Variants in CCDC150 observed in about 807,000 individuals in gnomAD.
CCDC150 encodes the protein coiled-coil domain-containing protein 150.
In CCDC150, 151 loss-of-function variants were observed where a neutral mutation model predicts 156.5. That is an observed-to-expected ratio of 0.97 (90% CI 0.85 to 1.10). The LOEUF is 1.10. Ranked by LOEUF, CCDC150 falls within the 50% of genes least tolerant of loss-of-function variation. The pLI is 0.00. For synonymous variants in CCDC150, 452 were observed against 429.4 expected, an observed-to-expected ratio of 1.05 and a Z score of -0.65; for missense variants, 1,312 against 1,268.1, an observed-to-expected ratio of 1.03 and a Z score of -0.53.
intron 14 of CCDC150, among the ~76,000 whole-genome samples, chr2:196,700,324 G>C (rs1027021259): frequency 6.6e-6 from 1 of 152,196 alleles, no homozygotes; most frequent in East Asian, 1.9e-4. Flanking sequence ...GGTTTATGAA[G>C]ATGATTTTGA....
chr2:196,658,285 G>A (rs1244745716), intron 4 of CCDC150, among the ~76,000 whole-genome samples: 2 of 152,120 alleles, frequency 1.3e-5, no homozygotes, highest in Non-Finnish European at 2.9e-5. Flanking sequence ...ATATGGTACT[G>A]GGAGGGACTA....
chr2:196,661,661 T>C (rs1693564394), intron 5 of CCDC150, among the ~76,000 whole-genome samples: 1 of 152,164 alleles, frequency 6.6e-6, no homozygotes, highest in African/African-American at 2.4e-5. Flanking sequence ...GGTATTTATC[T>C]TCCTAAGAGA....
chr2:196,697,706 A>T (rs985877404), intron 14 of CCDC150, among the ~76,000 whole-genome samples: 2 of 152,208 alleles, frequency 1.3e-5, no homozygotes, highest in African/African-American at 2.4e-5. Context: ...AAAAAACTTT[A>T]AAAAATGCTT....
chr2:196,712,169 C>T lies in CCDC150; in HGVS notation c.1720C>T (p.Gln574Ter). 1 of 1,566,700 alleles carries T rather than the reference C, an allele frequency of 6.4e-7. No individual in the cohort carries two copies. The highest frequency in any genetic ancestry group is 8.7e-7 in the Non-Finnish European group (1 of 1,153,464). Reference sequence around the variant, plus strand: ...GATAAAAGTTAAACAGCTAGAAGAACAAGTACAGTCTTTTACTGACACCAG... The same window carrying T: ...GATAAAAGTTAAACAGCTAGAAGAATAAGTACAGTCTTTTACTGACACCAG... ...LQIKVKQLEE[Q>*]VQSFTDTSLQ... Residue 574 changes from glutamine to a stop codon, truncating the protein, a stop_gained, in exon 16 of 28, where the codon CAA (glutamine) becomes TAA (stop). Transcript: ENST00000389175. LOFTEE classifies it high-confidence loss of function.
chr2:196,713,721 T>A, intron 17 of CCDC150: 2 of 1,383,686 alleles, frequency 1.4e-6, no homozygotes, highest in Non-Finnish European at 1.9e-6. Context: ...AAGGAAGTTT[T>A]AAATTTATAC....
At chr2:196,700,363 T>C (rs904472096) in intron 14 of CCDC150, among the ~76,000 whole-genome samples, 6 of 152,238 alleles carry the variant, frequency 3.9e-5, no homozygotes, top group African/African-American at 1.4e-4. Context: ...GTTATTAAGA[T>C]ATAACACTGG....
intron 13 of CCDC150, among the ~76,000 whole-genome samples, chr2:196,683,965 G>A (rs1233029239): frequency 6.6e-6 from 1 of 151,854 alleles, no homozygotes; most frequent in African/African-American, 2.4e-5. Flanking sequence ...ACTTGTGGAA[G>A]TTTTTATAGA....
At chr2:196,650,101 C>T (rs142766446) in intron 2 of CCDC150, among the ~76,000 whole-genome samples, 14 of 152,306 alleles carry the variant, frequency 9.2e-5, no homozygotes, top group Admixed American at 2.0e-4. Flanking sequence ...AGCTTCTCAC[C>T]GTTGAGCATG....
intron 2 of CCDC150, among the ~76,000 whole-genome samples, chr2:196,649,815 T>C (rs1225534064): frequency 1.3e-5 from 2 of 152,220 alleles, no homozygotes; most frequent in African/African-American, 2.4e-5. Context: ...TGTTAGTGAA[T>C]AGAAATGCTA....
At chr2:196,660,757 C>A (rs1198836667) in intron 5 of CCDC150, among the ~76,000 whole-genome samples, 1 of 152,122 alleles carries the variant, frequency 6.6e-6, no homozygotes, top group African/African-American at 2.4e-5. Context: ...TATAGCTTAT[C>A]TTTTTATGCT....
chr2:196,722,201 T>G (rs1697960357), intron 21 of CCDC150, among the ~76,000 whole-genome samples: 1 of 152,206 alleles, frequency 6.6e-6, no homozygotes, highest in South Asian at 2.1e-4. Context: ...TCGGTAAATA[T>G]TTAGATAATA....
intron 5 of CCDC150, among the ~76,000 whole-genome samples, chr2:196,662,989 G>T (rs1215894278): frequency 6.6e-6 from 1 of 152,088 alleles, no homozygotes; most frequent in Non-Finnish European, 1.5e-5. Flanking sequence ...TGTAATCTCA[G>T]CACTTTAGGA....
intron 11 of CCDC150, 118 bp from the exon 12 acceptor site, chr2:196,676,436 G>T: frequency 2.3e-6 from 3 of 1,305,488 alleles, no homozygotes. Flanking sequence ...AGTTTTGTTA[G>T]AACATTTTGG....
intron 5 of CCDC150, among the ~76,000 whole-genome samples, chr2:196,664,612 A>AT (rs758917560): frequency 1.1e-3 from 169 of 152,274 alleles, no homozygotes; most frequent in Non-Finnish European, 1.4e-3. Flanking sequence ...GCCTCATTAC[A>AT]TAGGCATGAT....
intron 13 of CCDC150, among the ~76,000 whole-genome samples, chr2:196,681,107 T>A (rs1694790778): frequency 6.6e-6 from 1 of 152,218 alleles, no homozygotes; most frequent in African/African-American, 2.4e-5. Flanking sequence ...AAGCAGTCAC[T>A]CCCCATTCCC....
At chr2:196,653,899 G>C (rs1048217296) in intron 2 of CCDC150, among the ~76,000 whole-genome samples, 3 of 152,170 alleles carry the variant, frequency 2.0e-5, no homozygotes, top group Non-Finnish European at 2.9e-5. Flanking sequence ...AAAAAGCATG[G>C]CACCAGCATC....
At chr2:196,706,120 C>A (rs1039199156) in intron 15 of CCDC150, among the ~76,000 whole-genome samples, 7 of 152,188 alleles carry the variant, frequency 4.6e-5, no homozygotes, top group Non-Finnish European at 7.3e-5. Flanking sequence ...CTATAAATTA[C>A]CTTGGGCAGT....
At chr2:196,697,676 A>C (rs528635351) in intron 14 of CCDC150, among the ~76,000 whole-genome samples, 69 of 152,274 alleles carry the variant, frequency 4.5e-4, no homozygotes, top group Non-Finnish European at 7.9e-4. Context: ...AAATATTTTG[A>C]ATAAAAAATT....
At chr2:196,697,369 T>C (rs1035940045) in intron 14 of CCDC150, among the ~76,000 whole-genome samples, 3 of 152,126 alleles carry the variant, frequency 2.0e-5, no homozygotes, top group African/African-American at 7.2e-5. Context: ...CCATTACCAC[T>C]GGCAGTCACG....
Sources: gnomAD v4.1 joint callset for allele counts (sites outside exome capture counted in the v4.1 genomes callset) on GRCh38, gnomAD v4.1.1 for gene constraint, MANE v1.5 for transcripts, NCBI Gene and HGNC (gene_info 2026-07-23, HGNC 2026-07-21) for gene names.